SYNE1: variants seen among roughly 807,000 people sequenced by gnomAD.
The protein encoded by SYNE1 is spectrin repeat containing nuclear envelope protein 1, also known as nesprin-1.
In SYNE1, 616 loss-of-function variants were observed where a neutral mutation model predicts 1,111.0. The observed-to-expected ratio is 0.55, with a 90% CI of 0.52 to 0.59. The LOEUF (loss-of-function observed/expected upper bound fraction) is 0.59. Ranked by LOEUF, SYNE1 falls within the 20% of genes least tolerant of loss-of-function variation. The pLI is 0.00. For missense variants in SYNE1, 10,006 were observed against 10,417.0 expected, an observed-to-expected ratio of 0.96 and a Z score of 1.72; for synonymous variants, 3,855 against 3,825.8, an observed-to-expected ratio of 1.01 and a Z score of -0.28.
At chr6:152,302,750 G>T (rs1469715522) in intron 91 of SYNE1, among the ~76,000 whole-genome samples, 1 of 152,104 alleles carries the variant, frequency 6.6e-6, no homozygotes, top group East Asian at 1.9e-4. Flanking sequence ...CTTTAAACTT[G>T]AAATGCAATT....
chr6:152,457,017 T>C lies in SYNE1; in HGVS notation c.2569-973A>G, dbSNP rs1352981483. On this transcript the variant is annotated intron_variant, in intron 22 of 145. Transcript: ENST00000367255. ...ATTAATAATGCTATGAACATTATTT[T>C]AATTATGGAAAGATTGTATAATGAC... is the stretch of plus-strand genomic sequence containing the variant. Among the ~76,000 whole-genome samples, 6 of 152,322 alleles carry C rather than the reference T, an allele frequency of 3.9e-5. No homozygotes were observed. In the East Asian group the frequency reaches 1.2e-3, roughly 29 times the overall value.
At chr6:152,407,814 C>T (rs113815259) in intron 44 of SYNE1, among the ~76,000 whole-genome samples, 4,609 of 146,350 alleles carry the variant, frequency 0.031, 105 homozygotes, top group African/African-American at 0.055. Flanking sequence ...CAGGCTAGAG[C>T]GCAGTGGTGC....
intron 3 of SYNE1, chr6:152,546,288 T>G (rs1329659060): frequency 6.6e-6 from 1 of 152,184 alleles, no homozygotes; most frequent in Non-Finnish European, 1.5e-5. Flanking sequence ...GAAAGACATT[T>G]ACAGGACCAG....
rs886043150 is a variant in SYNE1, at chr6:152,310,400, C to T, written c.17015G>A (p.Arg5672Gln). The T allele has an allele frequency of 1.5e-5, 25 of 1,614,130 alleles. No homozygotes were observed. The highest frequency in any genetic ancestry group is 1.8e-5 in the Non-Finnish European group (21 of 1,180,032). The change falls in exon 89 of 146, where the codon CGG (arginine) becomes CAG (glutamine). Residue 5672 changes from arginine to glutamine, a missense_variant. By Grantham distance (43) the Arg-to-Gln change is conservative (BLOSUM62 1). Coordinates refer to ENST00000367255, the MANE Select transcript of SYNE1 (RefSeq NM_182961.4). ...RLSLKEQLSH[R>Q]QHLLSEMESL... ...CTCCAAGTTAGTTTGGCTTACCTGC[C>T]GATGAGAGAGCTGCTCCTTGAGACT...
At chr6:152,570,493 T>A (rs574164957) in intron 3 of SYNE1, among the ~76,000 whole-genome samples, 11 of 152,272 alleles carry the variant, frequency 7.2e-5, no homozygotes, top group African/African-American at 2.6e-4. Flanking sequence ...AGGTTGCTTG[T>A]TAAAGGCCAA....
At chr6:152,564,388 C>T (rs1297262932) in intron 3 of SYNE1, among the ~76,000 whole-genome samples, 1 of 152,180 alleles carries the variant, frequency 6.6e-6, no homozygotes, top group East Asian at 1.9e-4. Flanking sequence ...ATGCTCTCGG[C>T]TCACTATAGC....
intron 39 of SYNE1, among the ~76,000 whole-genome samples, chr6:152,423,821 A>T (rs1400153093): frequency 6.6e-6 from 1 of 152,144 alleles, no homozygotes; most frequent in Non-Finnish European, 1.5e-5. Flanking sequence ...TTACTGCCTT[A>T]GAGCTTTTGC....
intron 55 of SYNE1, among the ~76,000 whole-genome samples, chr6:152,382,937 G>C (rs775149873): frequency 3.3e-5 from 5 of 152,140 alleles, no homozygotes; most frequent in Non-Finnish European, 5.9e-5. Flanking sequence ...TTAAACATAT[G>C]ATATACACAT....
chr6:152,338,351 G>A (rs1260084626), intron 75 of SYNE1, among the ~76,000 whole-genome samples: 3 of 152,094 alleles, frequency 2.0e-5, no homozygotes, highest in Admixed American at 6.5e-5. Context: ...GCCAGGCGTG[G>A]TGGCTCATGC....
intron 39 of SYNE1, among the ~76,000 whole-genome samples, chr6:152,423,171 T>C (rs1253820618): frequency 6.6e-6 from 1 of 152,216 alleles, no homozygotes; most frequent in African/African-American, 2.4e-5. Context: ...CCAGCTTTGC[T>C]AGCCAAGCCT....
At chr6:152,390,962 G>C (rs1157872322) in intron 52 of SYNE1, among the ~76,000 whole-genome samples, 3 of 152,160 alleles carry the variant, frequency 2.0e-5, no homozygotes, top group Non-Finnish European at 4.4e-5. Context: ...TGAACTCCTA[G>C]AAAATGGGTC....
At chr6:152,368,067 T>TA (rs1278581718) in intron 61 of SYNE1, 2 of 154,628 alleles carry the variant, frequency 1.3e-5, no homozygotes, top group Non-Finnish European at 2.9e-5. Flanking sequence ...GGTGTAAACA[T>TA]AGACTATTTA....
At position 152,362,095 on chromosome 6, in the gene SYNE1, T is replaced by C. The variant is rs190633243; in HGVS notation, c.10299+75A>G. On this transcript the variant is annotated intron_variant, in intron 64 of 145. Coordinates refer to ENST00000367255, the MANE Select transcript of SYNE1 (RefSeq NM_182961.4). The stretch of plus-strand genomic sequence containing the variant: ...GTGCACTGCCCTAGGGTACACGTAA[T>C]CCCATTTTTGTCTGACTGTGGCATT... The C allele has an allele frequency of 1.7e-5, 27 of 1,607,570 alleles. No homozygotes were observed. In the Admixed American group the frequency reaches 2.8e-4, roughly 17 times the overall value.
At chr6:152,128,123 T>C (rs1248007552) in intron 145 of SYNE1, 1 of 152,206 alleles carries the variant, frequency 6.6e-6, no homozygotes, top group East Asian at 1.9e-4. Context: ...TTCAACTCAG[T>C]TGCAGTAGTG....
At position 152,164,199 on chromosome 6, in the gene SYNE1, G is replaced by C. The variant is rs546350017; in HGVS notation, c.23754C>G (p.Asn7918Lys). The change falls in exon 131 of 146, where the codon AAC becomes AAG. Residue 7918 changes from asparagine to lysine, a missense_variant. Asn to Lys is a moderately conservative substitution (Grantham distance 94). Transcript: ENST00000367255. ...LAKPIVYDSC[N>K]SEEIQRKLNE... ...TAAGCTTTCTCTGTATTTCTTCCGA[G>C]TTACAGGAATCGTAGACTATTGGCT... 2.5e-6 allele frequency: 4 copies of C among 1,614,126 alleles called. No homozygotes were observed. In the South Asian group the frequency reaches 4.4e-5, roughly 18 times the overall value.
chr6:152,590,934 T>C (rs1235866866), intron 3 of SYNE1, among the ~76,000 whole-genome samples: 1 of 152,244 alleles, frequency 6.6e-6, no homozygotes, highest in African/African-American at 2.4e-5. Flanking sequence ...ATGTCATTGG[T>C]AGTCTGACAA....
chr6:152,508,135 A>G (rs755435743), intron 8 of SYNE1, among the ~76,000 whole-genome samples: 1 of 152,236 alleles, frequency 6.6e-6, no homozygotes, highest in Non-Finnish European at 1.5e-5. Flanking sequence ...AGTTGCTTGA[A>G]AAGTACATAC....
At chr6:152,360,086 C>T (rs1053135155) in intron 64 of SYNE1, among the ~76,000 whole-genome samples, 2 of 152,214 alleles carry the variant, frequency 1.3e-5, no homozygotes, top group Non-Finnish European at 2.9e-5. Flanking sequence ...ATTTCATGCT[C>T]CACACAGCAG....
At chr6:152,305,571 T>C (rs1175007045) in intron 91 of SYNE1, among the ~76,000 whole-genome samples, 2 of 152,048 alleles carry the variant, frequency 1.3e-5, no homozygotes, top group Non-Finnish European at 2.9e-5. Context: ...GCCGAAAAAT[T>C]ATTTTTAAAA....
Sources: gnomAD v4.1 joint callset for allele counts (sites outside exome capture counted in the v4.1 genomes callset) on GRCh38, gnomAD v4.1.1 for gene constraint, MANE v1.5 for transcripts, NCBI Gene and HGNC (gene_info 2026-07-23, HGNC 2026-07-21) for gene names.